Variants in CDH4 observed in about 807,000 individuals in gnomAD.
The protein encoded by CDH4 is cadherin 4.
Under a neutral mutation model 86.0 loss-of-function variants are expected in CDH4, and 33 were observed. That is an observed-to-expected ratio of 0.38 (90% confidence interval 0.29 to 0.51). CDH4 has a LOEUF of 0.51. CDH4 is among the 20% of genes least tolerant of loss of function. The pLI is 0.86. For missense variants in CDH4, 1,114 were observed against 1,307.4 expected, an observed-to-expected ratio of 0.85 and a Z score of 2.28; for synonymous variants, 555 against 549.4, an observed-to-expected ratio of 1.01 and a Z score of -0.14.
chr20:61,703,207 G>A lies in CDH4; in HGVS notation c.170-40356G>A, dbSNP rs1238941892. ...GCTCAGAACACACAGGCCTTGGGTT[G>A]TTTGTCTTTTCCTGACTTCTATGTG... On this transcript the variant is annotated intron_variant, in intron 2 of 15. Coordinates refer to ENST00000614565, the MANE Select transcript of CDH4 (RefSeq NM_001794.5). The surrounding 1 kb of genome is among the most constrained non-coding windows in gnomAD (Gnocchi z 4.3). Among the ~76,000 whole-genome samples, 2 of 152,198 alleles carry A rather than the reference G, an allele frequency of 1.3e-5. No individual in the cohort carries two copies. The highest frequency in any genetic ancestry group is 6.5e-5 in the Admixed American group (1 of 15,272).
chr20:61,479,924 T>C lies in CDH4; in HGVS notation c.169+224987T>C, dbSNP rs1000178547. On this transcript the variant is annotated intron_variant, in intron 2 of 15. Transcript: ENST00000614565. ...CTCCGGCTGTTTCATTTTAGATACT[T>C]TATCTTCAAGTTCATTTTCTTTTTC... 2.6e-5 allele frequency among the ~76,000 whole-genome samples: 4 copies of C among 152,194 alleles called. No individual in the cohort carries two copies. The East Asian group carries it at 5.8e-4, about 22-fold the overall frequency.
In CDH4 at chr20:61,428,957, G is replaced by T. The variant is rs116813753; in HGVS notation, c.169+174020G>T. 4.9e-3 allele frequency among the ~76,000 whole-genome samples: 742 copies of T among 152,166 alleles called. 7 individuals are homozygous for T. The highest frequency in any genetic ancestry group is 0.016 in the African/African-American group (662 of 41,500). On this transcript the variant is annotated intron_variant, in intron 2 of 15. Coordinates refer to ENST00000614565, the MANE Select transcript of CDH4 (RefSeq NM_001794.5). ...GTCTCCCTCTGCCCCTTCTATAGAG[G>T]TTAGTAATTGTATTGTATTAGTTTG...
chr20:61,788,390 T>C (rs1253152890), intron 4 of CDH4, among the ~76,000 whole-genome samples: 1 of 152,190 alleles, frequency 6.6e-6, no homozygotes, highest in Non-Finnish European at 1.5e-5. Context: ...GCGTAGGTTC[T>C]GGTTAAAGGA....
chr20:61,863,308 A>G (rs1372176245), intron 6 of CDH4, among the ~76,000 whole-genome samples: 2 of 152,084 alleles, frequency 1.3e-5, no homozygotes, highest in African/African-American at 2.4e-5. Flanking sequence ...TGCTGTCCCA[A>G]CTCGCTGCTT....
At chr20:61,391,333 A>T (rs1313749602) in intron 2 of CDH4, among the ~76,000 whole-genome samples, 2 of 152,134 alleles carry the variant, frequency 1.3e-5, no homozygotes, top group Non-Finnish European at 2.9e-5. Flanking sequence ...TGCTAAACCT[A>T]TCTGATCTGA....
At chr20:61,298,697 T>C (rs1215500404) in intron 2 of CDH4, among the ~76,000 whole-genome samples, 1 of 123,776 alleles carries the variant, frequency 8.1e-6, no homozygotes. Flanking sequence ...CATCACCCTT[T>C]TCTCTTGCCA....
chr20:61,716,771 T>C (rs977028123), intron 2 of CDH4, among the ~76,000 whole-genome samples: 3 of 151,980 alleles, frequency 2.0e-5, no homozygotes, highest in African/African-American at 7.3e-5. Context: ...TAGCTAGGTG[T>C]TTGGTGGGTG....
At chr20:61,700,839 C>G (rs2087767758) in intron 2 of CDH4, among the ~76,000 whole-genome samples, 1 of 152,224 alleles carries the variant, frequency 6.6e-6, no homozygotes. Context: ...CCACATGAGT[C>G]TTGCCTTCAA....
At chr20:61,412,399 T>C (rs2085124375) in intron 2 of CDH4, among the ~76,000 whole-genome samples, 1 of 152,178 alleles carries the variant, frequency 6.6e-6, no homozygotes, top group Non-Finnish European at 1.5e-5. Flanking sequence ...GCAAATGCTA[T>C]AGATCTGCCT....
At chr20:61,390,601 C>T (rs1008061730) in intron 2 of CDH4, among the ~76,000 whole-genome samples, 3 of 151,008 alleles carry the variant, frequency 2.0e-5, no homozygotes, top group Admixed American at 6.6e-5. Flanking sequence ...CCCATAGTGC[C>T]GTGTCTGGGA....
rs776481594 is a variant in CDH4, at chr20:61,623,148, A to G, written c.170-120415A>G. Among the ~76,000 whole-genome samples the G allele has an allele frequency of 6.6e-6, 1 of 152,150 alleles. No homozygotes were observed. Among genetic ancestry groups the G allele is most frequent in the Non-Finnish European group, 1.5e-5 (1 of 68,014 alleles). On this transcript the variant is annotated intron_variant, in intron 2 of 15. Coordinates refer to ENST00000614565, the MANE Select transcript of CDH4 (RefSeq NM_001794.5). The surrounding 1 kb of genome is among the most constrained non-coding windows in gnomAD (Gnocchi z 4.4). ...AGAGAAGTGGAGTTTCCAGATGAGG[A>G]TGTGGAGGTGGGAGTAGAAGGGCCT...
intron 2 of CDH4, among the ~76,000 whole-genome samples, chr20:61,653,944 G>C (rs982100243): frequency 3.3e-5 from 5 of 150,914 alleles, no homozygotes; most frequent in Admixed American, 3.3e-4. Flanking sequence ...TTCCAGACTG[G>C]GCAGCCAGGC....
chr20:61,368,019 C>T (rs1325918961), intron 2 of CDH4, among the ~76,000 whole-genome samples: 2 of 151,788 alleles, frequency 1.3e-5, no homozygotes, highest in Admixed American at 6.6e-5. Flanking sequence ...TACAGGTGCC[C>T]ACCACCACAC....
chr20:61,530,831 C>G (rs1436964479), intron 2 of CDH4, among the ~76,000 whole-genome samples: 1 of 152,080 alleles, frequency 6.6e-6, no homozygotes, highest in Non-Finnish European at 1.5e-5. Context: ...GTATCTCCAG[C>G]CTCTTGCAGC....
At chr20:61,423,033 C>T (rs1238200991) in intron 2 of CDH4, among the ~76,000 whole-genome samples, 2 of 152,088 alleles carry the variant, frequency 1.3e-5, no homozygotes, top group African/African-American at 2.4e-5. Context: ...AGAGAAAAGT[C>T]GCAAACAGGA....
intron 4 of CDH4, among the ~76,000 whole-genome samples, chr20:61,823,398 T>C: frequency 7.0e-6 from 1 of 142,138 alleles, no homozygotes; most frequent in Non-Finnish European, 1.5e-5. Flanking sequence ...TGAATAATAA[T>C]GTGATGATGA....
chr20:61,789,617 T>G (rs574920803), intron 4 of CDH4, among the ~76,000 whole-genome samples: 4 of 152,172 alleles, frequency 2.6e-5, no homozygotes, highest in Non-Finnish European at 5.9e-5. Flanking sequence ...TGCTCCGTGT[T>G]TTCAGCAGAA....
chr20:61,848,383 GT>G (rs1223271599), intron 5 of CDH4, among the ~76,000 whole-genome samples: 1 of 152,168 alleles, frequency 6.6e-6, no homozygotes, highest in African/African-American at 2.4e-5. Context: ...TTTTTCTTTT[GT>G]TTTTTGAGAC....
At chr20:61,460,508 G>A (rs370820395) in intron 2 of CDH4, among the ~76,000 whole-genome samples, 28 of 152,318 alleles carry the variant, frequency 1.8e-4, no homozygotes, top group South Asian at 1.4e-3. Flanking sequence ...CTCACCTGCC[G>A]CTGGAAGCAG....
Sources: gnomAD v4.1 joint callset for allele counts (sites outside exome capture counted in the v4.1 genomes callset) on GRCh38, gnomAD v4.1.1 for gene constraint, Gnocchi (gnomAD v3.1) non-coding constraint, MANE v1.5 for transcripts, NCBI Gene and HGNC (gene_info 2026-07-23, HGNC 2026-07-21) for gene names.